Variants in FLNB observed in about 807,000 individuals in gnomAD.
FLNB encodes the protein filamin B, also known as filamin-B.
In FLNB, 111 loss-of-function variants were observed where a neutral mutation model predicts 250.6. That is an observed-to-expected ratio of 0.44 (90% CI 0.38 to 0.52). The LOEUF (loss-of-function observed/expected upper bound fraction) is 0.52. Ranked by LOEUF, FLNB falls within the 20% of genes least tolerant of loss-of-function variation. The probability of loss-of-function intolerance (pLI) is 0.00; values close to 1 mark genes in which losing one functional copy is unlikely to be tolerated. For synonymous variants in FLNB, 1,302 were observed against 1,372.1 expected (o/e 0.95, Z 1.13); for missense variants, 2,869 against 3,447.8 (o/e 0.83, Z 4.20).
chr3:58,019,709 C>G (rs187977975), intron 1 of FLNB, among the ~76,000 whole-genome samples: 14 of 152,156 alleles, frequency 9.2e-5, no homozygotes, highest in African/African-American at 3.4e-4. Flanking sequence ...TTGCTCCAAA[C>G]TTTACTCATT....
chr3:58,138,677 A>C (rs968105908), intron 29 of FLNB, 148 bp downstream of exon 29: 1 of 954,742 alleles, frequency 1.0e-6, no homozygotes, highest in Non-Finnish European at 1.7e-6. Flanking sequence ...GTAGAGTCCC[A>C]GAGTAATCTC....
chr3:58,008,656 A>C lies in FLNB; in HGVS notation c.92A>C (p.Lys31Thr). 6.2e-7 allele frequency: 1 copy of C among 1,614,154 alleles called. No homozygotes were observed. The highest frequency in any genetic ancestry group is 8.5e-7 in the Non-Finnish European group (1 of 1,180,006). ...ACACGCTGGTGCAACGAGCACCTCAAGTGCGTGAACAAACGCATCGGCAAC... is the reference window on the plus strand; with the variant it reads ...ACACGCTGGTGCAACGAGCACCTCACGTGCGTGAACAAACGCATCGGCAAC... ...TFTRWCNEHL[K>T]CVNKRIGNLQ... The change falls in exon 1 of 46, where the codon AAG becomes ACG. Residue 31 changes from lysine (K) to threonine (T), a missense_variant. This residue lies in a region of FLNB where 308 missense variants were observed against 466.1 expected (regional missense o/e 0.66). Coordinates refer to ENST00000295956, the MANE Select transcript of FLNB (RefSeq NM_001457.4).
chr3:58,170,514 C>T lies in FLNB; in HGVS notation c.7622-61C>T. On this transcript the variant is annotated intron_variant, in intron 45 of 45. Coordinates refer to ENST00000295956, the MANE Select transcript of FLNB (RefSeq NM_001457.4). ...CACCTTACCTTTGGCTCTCATATTT[C>T]CTCTTCTTCCTGTGCCTGTCCTGAT... 8 of 1,541,884 alleles carry T rather than the reference C, an allele frequency of 5.2e-6. No homozygotes were observed. In the Admixed American group the frequency reaches 8.6e-5, roughly 17 times the overall value.
At chr3:58,110,611 A>AT (rs1016142320) in intron 16 of FLNB, among the ~76,000 whole-genome samples, 3 of 151,836 alleles carry the variant, frequency 2.0e-5, no homozygotes, top group Non-Finnish European at 4.4e-5. Flanking sequence ...CGCCTGGCTA[A>AT]TTTTTTTGTA....
At chr3:58,010,368 C>T (rs1024177705) in intron 1 of FLNB, among the ~76,000 whole-genome samples, 2 of 152,198 alleles carry the variant, frequency 1.3e-5, no homozygotes, top group African/African-American at 4.8e-5. Context: ...CTTCCCTTCC[C>T]CCACACCTGT....
intron 1 of FLNB, among the ~76,000 whole-genome samples, chr3:58,025,236 C>G (rs1279784089): frequency 6.8e-6 from 1 of 147,490 alleles, no homozygotes; most frequent in East Asian, 2.0e-4. Flanking sequence ...CTCAGGTGAT[C>G]CTCACATCTC....
chr3:58,153,606 G>T lies in FLNB; in HGVS notation c.6599G>T (p.Gly2200Val). 2.5e-6 allele frequency: 4 copies of T among 1,614,152 alleles called. No homozygotes were observed. Among genetic ancestry groups the T allele is most frequent in the Non-Finnish European group, 3.4e-6 (4 of 1,180,044 alleles). The change falls in exon 39 of 46, where the codon GGC becomes GTC. Residue 2200 changes from glycine (G) to valine (V), a missense_variant. By Grantham distance (109) the Gly-to-Val change is moderately radical. This residue lies in a region of FLNB where 1,084 missense variants were observed against 1,315.5 expected (regional missense o/e 0.82). Coordinates refer to ENST00000295956, the MANE Select transcript of FLNB (RefSeq NM_001457.4). ...EGGAHKVRAG[G>V]PGLERGEAGV... is the part of the protein sequence containing the mutation. ...GGCGCCCACAAGGTGCGGGCAGGAG[G>T]CCCTGGCCTGGAGAGAGGAGAAGCG...
At chr3:58,062,063 C>T (rs894286667) in intron 1 of FLNB, among the ~76,000 whole-genome samples, 6 of 152,106 alleles carry the variant, frequency 3.9e-5, no homozygotes, top group Non-Finnish European at 8.8e-5. Context: ...TGCACTCCAG[C>T]CTGGGTGACA....
intron 1 of FLNB, among the ~76,000 whole-genome samples, chr3:58,049,148 G>A (rs1033790015): frequency 8.5e-5 from 13 of 152,198 alleles, no homozygotes; most frequent in Non-Finnish European, 1.8e-4. Flanking sequence ...AAGTCGTTGC[G>A]TAGGACATAC....
At chr3:58,028,610 T>C (rs1442189192) in intron 1 of FLNB, among the ~76,000 whole-genome samples, 2 of 127,600 alleles carry the variant, frequency 1.6e-5, no homozygotes, top group African/African-American at 8.7e-5. Context: ...AATTTTTTTT[T>C]CTTTTCTTTT....
chr3:58,040,534 A>G (rs1006592851), intron 1 of FLNB, among the ~76,000 whole-genome samples: 3 of 152,204 alleles, frequency 2.0e-5, no homozygotes, highest in African/African-American at 7.2e-5. Context: ...TGCTCTTGTC[A>G]CACAGTCTGG....
chr3:58,011,503 C>G (rs1455173833), intron 1 of FLNB, among the ~76,000 whole-genome samples: 1 of 152,182 alleles, frequency 6.6e-6, no homozygotes, highest in Non-Finnish European at 1.5e-5. Flanking sequence ...TTTCCAGCCT[C>G]TGGAGACCAC....
At chr3:58,064,030 T>C (rs889667097) in intron 1 of FLNB, among the ~76,000 whole-genome samples, 2 of 152,184 alleles carry the variant, frequency 1.3e-5, no homozygotes, top group Non-Finnish European at 1.5e-5. Context: ...GTTTTCATTA[T>C]AATAACGCCA....
chr3:58,153,388 T>G lies in FLNB; in HGVS notation c.6381T>G (p.Ser2127Arg), dbSNP rs773098378. The G allele has an allele frequency of 1.2e-6, 2 of 1,614,186 alleles. No individual in the cohort carries two copies. Among genetic ancestry groups the G allele is most frequent in the Admixed American group, 3.3e-5 (2 of 60,030 alleles). ...TCCCTCTTTCAGAAATCAACAGCAG[T>G]GATATGTCGGCCCACGTCACCAGCC... ...LNLKIPEINS[S>R]DMSAHVTSPS... Residue 2127 changes from serine (S) to arginine (R), a missense_variant, in exon 39 of 46, where the codon AGT (serine) becomes AGG (arginine). By Grantham distance (110) the Ser-to-Arg change is moderately radical. Around this residue, in one of 5 missense-constraint regions of FLNB, gnomAD observed 1,084 missense variants for 1,315.5 expected, o/e 0.82. Coordinates refer to ENST00000295956, the MANE Select transcript of FLNB (RefSeq NM_001457.4).
chr3:58,143,735 T>C, intron 32 of FLNB, 122 bp downstream of exon 32: 1 of 1,210,188 alleles, frequency 8.3e-7, no homozygotes, highest in Non-Finnish European at 1.2e-6. Flanking sequence ...AATGCAGCGT[T>C]GGTACCCCTG....
chr3:58,158,490 C>T (rs1215798175), intron 41 of FLNB, among the ~76,000 whole-genome samples: 1 of 152,156 alleles, frequency 6.6e-6, no homozygotes, highest in African/African-American at 2.4e-5. Flanking sequence ...GTCCCAGACC[C>T]ACTGGAAAAG....
chr3:58,133,726 T>A (rs1034181891), intron 26 of FLNB, among the ~76,000 whole-genome samples: 18 of 152,102 alleles, frequency 1.2e-4, no homozygotes, highest in East Asian at 1.9e-4. Flanking sequence ...TTTCTTTTTT[T>A]AAAAAATCAT....
chr3:58,160,632 A>T (rs1035101021), intron 42 of FLNB, among the ~76,000 whole-genome samples: 3 of 152,152 alleles, frequency 2.0e-5, no homozygotes, highest in African/African-American at 7.2e-5. Context: ...TATGAGGAGG[A>T]GACCTATGAT....
At chr3:58,097,636 G>A (rs371810008) in intron 6 of FLNB, among the ~76,000 whole-genome samples, 179 bp from the exon 7 acceptor site, 26 of 152,316 alleles carry the variant, frequency 1.7e-4, no homozygotes, top group African/African-American at 6.3e-4. Flanking sequence ...GGCTGAAGGG[G>A]CCAGGTGGGA....
Sources: gnomAD v4.1 joint callset for allele counts (sites outside exome capture counted in the v4.1 genomes callset) on GRCh38, gnomAD v4.1.1 for gene constraint, gnomAD v4.1.1 regional missense constraint, MANE v1.5 for transcripts, NCBI Gene and HGNC (gene_info 2026-07-23, HGNC 2026-07-21) for gene names.